RIN3: variants seen among roughly 807,000 people sequenced by gnomAD.
The protein encoded by RIN3 is Ras and Rab interactor 3.
A neutral mutation model predicts 76.3 loss-of-function variants in RIN3; 54 were observed. The ratio of observed to expected loss-of-function variants is 0.71; its 90% confidence interval spans 0.57 to 0.89. RIN3 has a LOEUF of 0.89. Ranked by LOEUF, RIN3 falls within the 40% of genes least tolerant of loss-of-function variation. RIN3 has a pLI of 0.00. For missense variants in RIN3, 1,256 were observed against 1,322.1 expected (o/e 0.95, Z 0.78); for synonymous variants, 576 against 564.0 (o/e 1.02, Z -0.30).
intron 3 of RIN3, among the ~76,000 whole-genome samples, chr14:92,613,013 A>ATCT (rs985286111): frequency 1.4e-4 from 21 of 152,200 alleles, no homozygotes; most frequent in African/African-American, 4.8e-4. Context: ...TTCAAAGTTT[A>ATCT]TCTGTGTTCT....
intron 7 of RIN3, among the ~76,000 whole-genome samples, chr14:92,664,364 C>CT (rs373597134): frequency 0.48 from 40,789 of 84,466 alleles, 9,321 homozygotes; most frequent in Non-Finnish European, 0.59. Flanking sequence ...TTCTTTCTTT[C>CT]TTTTTTTTTT....
chr14:92,536,724 G>T (rs1270751318), intron 1 of RIN3, among the ~76,000 whole-genome samples: 2 of 136,992 alleles, frequency 1.5e-5, no homozygotes, highest in East Asian at 4.3e-4. Flanking sequence ...CCTGGTGACA[G>T]AGCAAGACTC....
rs1888674887 is a variant in RIN3 at position 92,681,876 on chromosome 14, T to A, written c.2468-3111T>A. On this transcript the variant is annotated intron_variant, in intron 8 of 9. Transcript: ENST00000216487. The surrounding 1 kb of genome is among the most constrained non-coding windows in gnomAD (Gnocchi z 4.7). ...TAATTTAGTTTTTTCAAAAAATGTC[T>A]CTTATTTATTTTTATTTTTTTTTAA... Among the ~76,000 whole-genome samples the A allele has an allele frequency of 6.6e-6, 1 of 151,866 alleles. No homozygotes were observed.
chr14:92,648,337 T>C lies in RIN3; in HGVS notation c.533-3245T>C, dbSNP rs1887278126. 6.6e-6 allele frequency among the ~76,000 whole-genome samples: 1 copy of C among 152,210 alleles called. No individual in the cohort carries two copies. The highest frequency in any genetic ancestry group is 2.4e-5 in the African/African-American group (1 of 41,462). On this transcript the variant is annotated intron_variant, in intron 5 of 9. Coordinates refer to ENST00000216487, the MANE Select transcript of RIN3 (RefSeq NM_024832.5). The surrounding 1 kb of genome is among the most constrained non-coding windows in gnomAD (Gnocchi z 4.1). Reference sequence around the variant, plus strand: ...TTTGCCTGAACCCGTGTCTGCTCTGTTCCTGCCAAAATCCACACCTGAGCA... The same window carrying C: ...TTTGCCTGAACCCGTGTCTGCTCTGCTCCTGCCAAAATCCACACCTGAGCA...
At chr14:92,629,336 A>C (rs1886477773) in intron 4 of RIN3, among the ~76,000 whole-genome samples, 1 of 152,266 alleles carries the variant, frequency 6.6e-6, no homozygotes, top group South Asian at 2.1e-4. Flanking sequence ...ACGCACGAGC[A>C]AAACAAGGAA....
At chr14:92,667,516 CAA>C (rs113465136) in intron 7 of RIN3, among the ~76,000 whole-genome samples, 2 of 129,726 alleles carry the variant, frequency 1.5e-5, no homozygotes, top group African/African-American at 2.8e-5. Context: ...GACTCCGTCT[CAA>C]AAAAAAAAAA....
intron 4 of RIN3, among the ~76,000 whole-genome samples, chr14:92,634,167 T>C (rs1595471233): frequency 6.8e-6 from 1 of 147,582 alleles, no homozygotes; most frequent in African/African-American, 2.5e-5. Flanking sequence ...CTCCGCCTCC[T>C]GGGTTCAAGC....
intron 2 of RIN3, among the ~76,000 whole-genome samples, chr14:92,566,118 C>T (rs930229729): frequency 3.3e-5 from 5 of 152,158 alleles, no homozygotes; most frequent in Non-Finnish European, 7.3e-5. Context: ...ACAGCAAGCC[C>T]GGCTATGGTA....
chr14:92,572,770 A>G (rs983241375), intron 2 of RIN3, among the ~76,000 whole-genome samples: 1 of 151,820 alleles, frequency 6.6e-6, no homozygotes, highest in African/African-American at 2.4e-5. Flanking sequence ...GGTTGGTGAA[A>G]GCAGTATCCA....
chr14:92,681,941 C>T lies in RIN3; in HGVS notation c.2468-3046C>T, dbSNP rs149919250. Among the ~76,000 whole-genome samples, 1 of 152,196 alleles carries T rather than the reference C, an allele frequency of 6.6e-6. No individual in the cohort carries two copies. Among genetic ancestry groups the T allele is most frequent in the African/African-American group, 2.4e-5 (1 of 41,514 alleles). On this transcript the variant is annotated intron_variant, in intron 8 of 9. Coordinates refer to ENST00000216487, the MANE Select transcript of RIN3 (RefSeq NM_024832.5). The surrounding 1 kb of genome is among the most constrained non-coding windows in gnomAD (Gnocchi z 4.7). ...TCACTCTGTCACCCAGGCTGCAGTG[C>T]AGTGGCCTGATCTCAGCTCACTGCA...
chr14:92,571,610 T>C (rs2140052243), intron 2 of RIN3, among the ~76,000 whole-genome samples: 1 of 152,330 alleles, frequency 6.6e-6, no homozygotes, highest in Admixed American at 6.5e-5. Flanking sequence ...TACCCAGAGT[T>C]AGTGCAGACT....
intron 1 of RIN3, among the ~76,000 whole-genome samples, chr14:92,516,784 C>G (rs1484350686): frequency 6.6e-6 from 1 of 152,156 alleles, no homozygotes; most frequent in Non-Finnish European, 1.5e-5. Flanking sequence ...GGCCCTGGGT[C>G]CCTGATCTGT....
intron 2 of RIN3, among the ~76,000 whole-genome samples, chr14:92,557,297 C>T (rs546442378): frequency 6.6e-6 from 1 of 152,214 alleles, no homozygotes; most frequent in Non-Finnish European, 1.5e-5. Context: ...AGTGCCCTCC[C>T]CCAGGGGACA....
chr14:92,660,899 T>A (rs897881270), intron 7 of RIN3, among the ~76,000 whole-genome samples: 2 of 152,202 alleles, frequency 1.3e-5, no homozygotes. Flanking sequence ...CTGGTGCCCT[T>A]GTGCAGTGAG....
At chr14:92,542,545 A>T (rs1897152601) in intron 1 of RIN3, among the ~76,000 whole-genome samples, 1 of 152,124 alleles carries the variant, frequency 6.6e-6, no homozygotes, top group South Asian at 2.1e-4. Flanking sequence ...ATTACCATAT[A>T]ATCCAGCAAT....
chr14:92,611,450 C>A lies in RIN3; in HGVS notation c.368-3957C>A, dbSNP rs546768807. On this transcript the variant is annotated intron_variant, in intron 3 of 9. Coordinates refer to ENST00000216487, the MANE Select transcript of RIN3 (RefSeq NM_024832.5). ...TAATTTTTTTTATTTCTAGTAGAGA[C>A]AGGTTTGACCATGTTGGCCAGTCTG... 8.5e-5 allele frequency among the ~76,000 whole-genome samples: 13 copies of A among 152,256 alleles called. No homozygotes were observed. The South Asian group carries it at 2.5e-3, about 29-fold the overall frequency.
At chr14:92,545,915 C>CTT (rs1025793618) in intron 1 of RIN3, among the ~76,000 whole-genome samples, 2 of 14,244 alleles carry the variant, frequency 1.4e-4, no homozygotes, top group African/African-American at 3.5e-4. Flanking sequence ...GATTCTGGCC[C>CTT]TTTTCTTTTC....
chr14:92,674,004 T>C (rs1477093555), intron 7 of RIN3, among the ~76,000 whole-genome samples: 2 of 152,222 alleles, frequency 1.3e-5, no homozygotes, highest in Non-Finnish European at 2.9e-5. Context: ...TTGTTAACTT[T>C]TTCCACCTGG....
At position 92,687,909 on chromosome 14, in the gene RIN3, C is replaced by A; in HGVS notation, c.2632-17C>A. 1 of 1,530,062 alleles carries A rather than the reference C, an allele frequency of 6.5e-7. No homozygotes were observed. Among genetic ancestry groups the A allele is most frequent in the South Asian group, 1.2e-5 (1 of 81,880 alleles). The allele number at this position is 1,530,062 out of a possible 1,614,324, so 94.8% of individuals were successfully genotyped here. A position where few individuals can be genotyped will look rare whatever the true frequency, so the allele number is the denominator to read the frequency against. ...ACAGGGCCCCGCCGTGACCACAGGC[C>A]CCTCGCGTCTCCGCAGGACTTCATC... On this transcript the variant is annotated splice_polypyrimidine_tract_variant and intron_variant, in intron 9 of 9. Coordinates refer to ENST00000216487, the MANE Select transcript of RIN3 (RefSeq NM_024832.5).
Sources: allele counts gnomAD v4.1 joint callset (sites outside exome capture counted in the v4.1 genomes callset), GRCh38; gene constraint gnomAD v4.1.1; non-coding constraint Gnocchi (gnomAD v3.1); transcripts MANE v1.5; gene names NCBI Gene and HGNC (gene_info 2026-07-23, HGNC 2026-07-21).